The following DISC1 variants were observed in gnomAD, a reference collection of about 807,000 sequenced individuals.
DISC1 encodes the protein disrupted in schizophrenia 1 protein.
In DISC1, 57 loss-of-function variants were observed where a neutral mutation model predicts 84.5. That is an observed-to-expected ratio of 0.67 (90% CI 0.55 to 0.84). The LOEUF is 0.84. Ranked by LOEUF, DISC1 falls within the 40% of genes least tolerant of loss-of-function variation. DISC1 has a pLI of 0.00. For synonymous variants in DISC1, 411 were observed against 415.2 expected, an observed-to-expected ratio of 0.99 and a Z score of 0.12; for missense variants, 1,000 against 1,057.8, an observed-to-expected ratio of 0.95 and a Z score of 0.76.
intron 6 of DISC1, among the ~76,000 whole-genome samples, chr1:231,783,985 C>T (rs534845220): frequency 3.1e-4 from 47 of 152,092 alleles, no homozygotes; most frequent in African/African-American, 9.9e-4. Context: ...TGACATCGGC[C>T]GGGCACAGTG....
At chr1:232,020,131 C>T (rs961166653) in intron 11 of DISC1, among the ~76,000 whole-genome samples, 20 of 152,066 alleles carry the variant, frequency 1.3e-4, no homozygotes, top group African/African-American at 4.1e-4. Context: ...CACCTGAGAT[C>T]GGGAGTTCGA....
intron 10 of DISC1, among the ~76,000 whole-genome samples, chr1:231,961,751 G>T (rs1572366058): frequency 6.6e-6 from 1 of 152,184 alleles, no homozygotes; most frequent in African/African-American, 2.4e-5. Context: ...TGGTATAAAT[G>T]TACCATGTTT....
intron 8 of DISC1, among the ~76,000 whole-genome samples, chr1:231,806,144 A>G (rs1273192168): frequency 2.0e-5 from 3 of 152,218 alleles, no homozygotes; most frequent in Non-Finnish European, 2.9e-5. Context: ...GATAATAAAT[A>G]TATGAACGTG....
At chr1:231,739,010 C>T (rs1266141917) in intron 3 of DISC1, among the ~76,000 whole-genome samples, 3 of 152,204 alleles carry the variant, frequency 2.0e-5, no homozygotes, top group Admixed American at 6.5e-5. Flanking sequence ...CTCCCAGGAG[C>T]TCTGGTTCCT....
At chr1:231,841,815 A>C (rs898199589) in intron 9 of DISC1, among the ~76,000 whole-genome samples, 3 of 152,212 alleles carry the variant, frequency 2.0e-5, no homozygotes, top group African/African-American at 7.2e-5. Context: ...CTGTTAATCA[A>C]CTACATAGTC....
At chr1:231,839,823 C>T (rs2082904296) in intron 9 of DISC1, among the ~76,000 whole-genome samples, 2 of 152,052 alleles carry the variant, frequency 1.3e-5, no homozygotes, top group Admixed American at 1.3e-4. Flanking sequence ...TGTCACATGG[C>T]GAGAGAGGGA....
intron 9 of DISC1, among the ~76,000 whole-genome samples, chr1:231,953,520 C>A (rs1028396517): frequency 6.6e-6 from 1 of 152,174 alleles, no homozygotes; most frequent in African/African-American, 2.4e-5. Flanking sequence ...TTCTTTCATT[C>A]ACTCGAAGAC....
At chr1:231,985,166 CA>C (rs1000453994) in intron 10 of DISC1, among the ~76,000 whole-genome samples, 1 of 150,964 alleles carries the variant, frequency 6.6e-6, no homozygotes, top group Non-Finnish European at 1.5e-5. Flanking sequence ...ACTAAAAATA[CA>C]AAAAAAATAT....
intron 1 of DISC1, among the ~76,000 whole-genome samples, chr1:231,635,715 A>G (rs1191608869): frequency 6.6e-6 from 1 of 152,182 alleles, no homozygotes; most frequent in Non-Finnish European, 1.5e-5. Flanking sequence ...ACCAATCAGG[A>G]GTTTCAGAAG....
intron 9 of DISC1, among the ~76,000 whole-genome samples, chr1:231,920,686 G>C (rs2089940769): frequency 6.6e-6 from 1 of 152,184 alleles, no homozygotes; most frequent in East Asian, 1.9e-4. Flanking sequence ...CATTTGGGTT[G>C]CTTCCCGCAT....
intron 10 of DISC1, among the ~76,000 whole-genome samples, chr1:231,984,524 A>T (rs1403705243): frequency 6.6e-6 from 1 of 152,142 alleles, no homozygotes; most frequent in East Asian, 1.9e-4. Flanking sequence ...GTACAAAACG[A>T]AACATGGAAC....
intron 9 of DISC1, among the ~76,000 whole-genome samples, chr1:231,926,130 A>G (rs2090347121): frequency 6.6e-6 from 1 of 152,238 alleles, no homozygotes; most frequent in South Asian, 2.1e-4. Context: ...ATTTCTATGA[A>G]TATTTTCAAC....
intron 1 of DISC1, among the ~76,000 whole-genome samples, chr1:231,641,029 A>G (rs553368114): frequency 3.9e-5 from 6 of 152,254 alleles, no homozygotes; most frequent in Non-Finnish European, 5.9e-5. Context: ...TGCTGGTCTT[A>G]CAAGATGAAC....
chr1:231,842,206 T>C (rs2083132578), intron 9 of DISC1, among the ~76,000 whole-genome samples: 5 of 152,160 alleles, frequency 3.3e-5, no homozygotes, highest in African/African-American at 4.8e-5. Flanking sequence ...TCTCTCTCTG[T>C]TGCCCAGGCT....
At chr1:231,960,208 T>C (rs1289307863) in intron 10 of DISC1, among the ~76,000 whole-genome samples, 1 of 152,234 alleles carries the variant, frequency 6.6e-6, no homozygotes, top group African/African-American at 2.4e-5. Context: ...ATTCATGTGA[T>C]TGGTAGTAGG....
rs1470210916 is a variant in DISC1 at position 232,031,195 on chromosome 1, CAGAG to C, written c.2425+4650_2425+4653del. ...AAGGAAGGAAGGGAGAAAGGAGAGACAGAGAGAGAGGAAGGAAGGAAGGGAGAAA... is the reference window on the plus strand; with the variant it reads ...AAGGAAGGAAGGGAGAAAGGAGAGACAGAGAGGAAGGAAGGAAGGGAGAAA... On this transcript the variant is annotated intron_variant, in intron 12 of 12. Transcript: ENST00000439617. This position sits in a 1 kb window ranked among gnomAD's most constrained non-coding sequence, Gnocchi z 4.6. Among the ~76,000 whole-genome samples the C allele has an allele frequency of 7.2e-5, 10 of 139,676 alleles. No individual in the cohort carries two copies. The South Asian group carries it at 7.2e-4, about 10-fold the overall frequency. The allele number at this position is 139,676 out of a possible 152,430, so 91.6% of individuals were successfully genotyped here. A position where few individuals can be genotyped will look rare whatever the true frequency, so the allele number is the denominator to read the frequency against.
At chr1:231,978,296 C>T (rs578048893) in intron 10 of DISC1, among the ~76,000 whole-genome samples, 1 of 152,204 alleles carries the variant, frequency 6.6e-6, no homozygotes, top group Non-Finnish European at 1.5e-5. Flanking sequence ...ATCAAATTCC[C>T]CATCAGCTTT....
intron 9 of DISC1, among the ~76,000 whole-genome samples, chr1:231,923,417 C>G (rs375882074): frequency 6.6e-6 from 1 of 152,140 alleles, no homozygotes; most frequent in Non-Finnish European, 1.5e-5. Flanking sequence ...CCCTCAGTGC[C>G]CTCCCTTCCA....
chr1:231,767,040 A>G, intron 4 of DISC1, 100 bp from the exon 5 acceptor site: 1 of 1,520,706 alleles, frequency 6.6e-7, no homozygotes, highest in Non-Finnish European at 9.0e-7. Context: ...ATGAGAACAG[A>G]TGGGGGCCAC....
Sources: allele counts gnomAD v4.1 joint callset (sites outside exome capture counted in the v4.1 genomes callset), GRCh38; gene constraint gnomAD v4.1.1; non-coding constraint Gnocchi (gnomAD v3.1); transcripts MANE v1.5; gene names NCBI Gene and HGNC (gene_info 2026-07-23, HGNC 2026-07-21).